Variants in MEI4 observed in about 807,000 individuals in gnomAD.
MEI4 encodes meiosis-specific protein MEI4.
In MEI4, 27 loss-of-function variants were observed where a neutral mutation model predicts 31.4. The ratio of observed to expected loss-of-function variants is 0.86; its 90% CI spans 0.63 to 1.19. The LOEUF is 1.19. Ranked by LOEUF, MEI4 falls within the 50% of genes most tolerant of loss-of-function variation. The probability of loss-of-function intolerance (pLI) is 0.00; values close to 1 mark genes in which losing one functional copy is unlikely to be tolerated. For missense variants in MEI4, 329 were observed against 398.9 expected (o/e 0.82, Z 1.49); for synonymous variants, 122 against 145.4 (o/e 0.84, Z 1.16).
At chr6:77,853,613 G>C (rs183828906) in intron 4 of MEI4, among the ~76,000 whole-genome samples, 1 of 152,300 alleles carries the variant, frequency 6.6e-6, no homozygotes, top group Non-Finnish European at 1.5e-5. Flanking sequence ...ATGAAATCTT[G>C]TGGTAGACCA....
intron 4 of MEI4, among the ~76,000 whole-genome samples, chr6:77,906,074 ATTG>A (rs1766290272): frequency 6.6e-6 from 1 of 151,878 alleles, no homozygotes; most frequent in Non-Finnish European, 1.5e-5. Context: ...TCATTTTTTA[ATTG>A]TTATCCCGAT....
intron 4 of MEI4, among the ~76,000 whole-genome samples, chr6:77,865,295 TG>T (rs1277285590): frequency 6.6e-6 from 1 of 152,150 alleles, no homozygotes; most frequent in African/African-American, 2.4e-5. Flanking sequence ...ATCCAGGAGC[TG>T]GTTTTTTGAA....
chr6:77,806,992 G>A (rs560471416), intron 3 of MEI4, among the ~76,000 whole-genome samples: 19 of 152,040 alleles, frequency 1.2e-4, no homozygotes, highest in South Asian at 4.1e-4. Context: ...GATAACCAGC[G>A]TCATAGATGA....
chr6:77,691,522 C>G (rs575327747), intron 2 of MEI4, among the ~76,000 whole-genome samples: 1 of 152,074 alleles, frequency 6.6e-6, no homozygotes, highest in African/African-American at 2.4e-5. Flanking sequence ...TGCAAAGGCA[C>G]TGGAGTGGAG....
chr6:77,884,346 TTTTAG>T (rs1320311112), intron 4 of MEI4, among the ~76,000 whole-genome samples: 1 of 152,200 alleles, frequency 6.6e-6, no homozygotes, highest in African/African-American at 2.4e-5. Flanking sequence ...TGCAGAAGCT[TTTTAG>T]TTTAATGTAA....
intron 3 of MEI4, among the ~76,000 whole-genome samples, chr6:77,796,349 A>G (rs1400154500): frequency 1.3e-5 from 2 of 152,150 alleles, no homozygotes; most frequent in East Asian, 1.9e-4. Flanking sequence ...CAGCATATCA[A>G]TGGAGGTCCT....
chr6:77,815,666 T>C (rs2127706354), intron 3 of MEI4, among the ~76,000 whole-genome samples: 1 of 152,224 alleles, frequency 6.6e-6, no homozygotes, highest in East Asian at 1.9e-4. Flanking sequence ...CTAGGTAAAG[T>C]CTGAGAACTG....
At chr6:77,810,713 A>G (rs1360047536) in intron 3 of MEI4, among the ~76,000 whole-genome samples, 1 of 152,194 alleles carries the variant, frequency 6.6e-6, no homozygotes, top group East Asian at 1.9e-4. Context: ...CCTTGAATTT[A>G]TAATAATCAA....
chr6:77,740,861 G>A (rs1767382551), intron 2 of MEI4, among the ~76,000 whole-genome samples: 1 of 151,944 alleles, frequency 6.6e-6, no homozygotes, highest in South Asian at 2.1e-4. Flanking sequence ...TTATGTAGGA[G>A]AGCAGGCATC....
chr6:77,803,499 A>T (rs1294567232), intron 3 of MEI4, among the ~76,000 whole-genome samples: 1 of 152,072 alleles, frequency 6.6e-6, no homozygotes, highest in African/African-American at 2.4e-5. Context: ...ATCCAGCTTT[A>T]TTCTGTTGCT....
chr6:77,843,176 A>G (rs1418390372), intron 4 of MEI4, among the ~76,000 whole-genome samples: 1 of 151,806 alleles, frequency 6.6e-6, no homozygotes, highest in Admixed American at 6.6e-5. Flanking sequence ...CATTCTCTAA[A>G]TTATGCTATG....
rs138120753 is a variant in MEI4, at chr6:77,833,671, A to G, written c.900+4609A>G. ...TCTGGGACACATGTGCTGAACATGA[A>G]GGTTTGTTACATAGGTATACATGCG... is the stretch of plus-strand genomic sequence containing the variant. On this transcript the variant is annotated intron_variant, in intron 4 of 4. Transcript: ENST00000684080. Among the ~76,000 whole-genome samples the G allele has an allele frequency of 1.8e-4, 27 of 152,192 alleles. No homozygotes were observed. The East Asian group carries it at 4.2e-3, about 24-fold the overall frequency.
intron 4 of MEI4, among the ~76,000 whole-genome samples, chr6:77,831,852 G>C (rs1770091155): frequency 6.6e-6 from 1 of 151,798 alleles, no homozygotes; most frequent in Non-Finnish European, 1.5e-5. Context: ...TTTAGATATA[G>C]TTAATTATAA....
At chr6:77,856,992 T>C (rs964077499) in intron 4 of MEI4, among the ~76,000 whole-genome samples, 18 of 152,344 alleles carry the variant, frequency 1.2e-4, no homozygotes, top group African/African-American at 4.1e-4. Context: ...TGGTTGGCTT[T>C]ATACATTAAT....
chr6:77,923,376 A>T lies in MEI4; in HGVS notation c.*30A>T. 2.5e-6 allele frequency: 3 copies of T among 1,223,720 alleles called. No individual in the cohort carries two copies. The highest frequency in any genetic ancestry group is 3.1e-6 in the Non-Finnish European group (3 of 981,020). The allele number at this position is 1,223,720 out of a possible 1,614,324, so 75.8% of individuals were successfully genotyped here. On this transcript the variant is annotated 3_prime_UTR_variant, in exon 5 of 5. Transcript: ENST00000684080. ...ATTCCTTAGCAATTTACCACGTTTG[A>T]AGCATAATAAAGTAGAATATATGAA...
intron 1 of MEI4, among the ~76,000 whole-genome samples, chr6:77,682,407 A>G (rs1768975446): frequency 1.3e-5 from 2 of 152,194 alleles, no homozygotes; most frequent in African/African-American, 4.8e-5. Flanking sequence ...TCTTTACTCA[A>G]TAATTATTTT....
intron 3 of MEI4, among the ~76,000 whole-genome samples, chr6:77,816,153 A>C (rs1236766120): frequency 6.6e-6 from 1 of 152,140 alleles, no homozygotes; most frequent in East Asian, 1.9e-4. Context: ...GGGTTACTTA[A>C]TCAGCTGTCT....
rs535861174 is a variant in MEI4, at chr6:77,926,220, C to T, written c.*2874C>T. 1 of 152,078 alleles carries T rather than the reference C, an allele frequency of 6.6e-6. No individual in the cohort carries two copies. The highest frequency in any genetic ancestry group is 1.9e-4 in the East Asian group (1 of 5,148). The allele number at this position is 152,078 out of a possible 1,614,324, so 9.4% of individuals were successfully genotyped here. On this transcript the variant is annotated 3_prime_UTR_variant, in exon 5 of 5. Coordinates refer to ENST00000684080, the MANE Select transcript of MEI4 (RefSeq NM_001322247.2). Reference sequence around the variant, plus strand: ...CCTTAAGGCACAACAGTGGAAATTACTAGCTTATGATTAGCTTATTTTGGA... The same window carrying T: ...CCTTAAGGCACAACAGTGGAAATTATTAGCTTATGATTAGCTTATTTTGGA...
chr6:77,852,599 TCTCACA>T (rs1770653030), intron 4 of MEI4, among the ~76,000 whole-genome samples: 1 of 133,684 alleles, frequency 7.5e-6, no homozygotes, highest in Non-Finnish European at 1.6e-5. Context: ...TTTTTTTTTG[TCTCACA>T]GTTTTAGAGA....
Sources: allele counts gnomAD v4.1 joint callset (sites outside exome capture counted in the v4.1 genomes callset), GRCh38; gene constraint gnomAD v4.1.1; transcripts MANE v1.5; gene names NCBI Gene and HGNC (gene_info 2026-07-23, HGNC 2026-07-21).